The following LPAR6 variants were observed in gnomAD, a reference collection of about 807,000 sequenced individuals.
LPAR6 encodes the protein G-protein coupled purinergic receptor P2Y5.
LPAR6 carries 17 observed loss-of-function variants against 22.0 expected under a neutral mutation model. That is an observed-to-expected ratio of 0.77 (90% CI 0.53 to 1.16). The LOEUF (loss-of-function observed/expected upper bound fraction) is 1.16, where lower values mean the gene tolerates loss of function less well. Among genes scored for constraint, LPAR6 ranks in the 50% most tolerant of loss-of-function variants. The pLI is 0.00. For missense variants in LPAR6, 384 were observed against 406.9 expected, an observed-to-expected ratio of 0.94 and a Z score of 0.48; for synonymous variants, 136 against 139.8, an observed-to-expected ratio of 0.97 and a Z score of 0.19.
intron 1 of LPAR6, among the ~76,000 whole-genome samples, chr13:48,423,705 AGAGAGTATGT>A (rs1347308567): frequency 1.2e-4 from 18 of 152,238 alleles, no homozygotes; most frequent in Non-Finnish European, 2.1e-4. Flanking sequence ...AAATCAAATG[AGAGAGTATGT>A]GAGACTTAAA....
chr13:48,441,047 A>G (rs963564371), intron 1 of LPAR6, among the ~76,000 whole-genome samples: 2 of 152,186 alleles, frequency 1.3e-5, no homozygotes, highest in African/African-American at 4.8e-5. Flanking sequence ...ATTACACTGG[A>G]TCTGTTCAGT....
downstream of LPAR6, among the ~76,000 whole-genome samples, chr13:48,410,497 T>C (rs1948784099): frequency 6.6e-6 from 1 of 152,190 alleles, no homozygotes. Context: ...GTATATTACT[T>C]TCTAAATGCC....
chr13:48,412,157 A>G lies in LPAR6; in HGVS notation c.267T>C (p.Cys89=), dbSNP rs202132018. Residue 89 remains cysteine, a synonymous_variant, in exon 1 of 1, where the codon TGT becomes TGC. Transcript: ENST00000620633. The part of the protein sequence containing the change: ...TRNWPFGDLL[C]KISVMLFYTN... Reference sequence around the variant, plus strand: ...TATAAAACAGCATCACAGAAATCTTACAAAGTAAATCTCCAAATGGCCAAT... The same window carrying G: ...TATAAAACAGCATCACAGAAATCTTGCAAAGTAAATCTCCAAATGGCCAAT... The G allele has an allele frequency of 3.0e-5, 49 of 1,613,908 alleles. No homozygotes were observed. Among genetic ancestry groups the G allele is most frequent in the Non-Finnish European group, 4.0e-5 (47 of 1,179,996 alleles).
chr13:48,390,755 G>T (rs1428857680), intron 1 of LPAR6, among the ~76,000 whole-genome samples: 1 of 152,202 alleles, frequency 6.6e-6, no homozygotes, highest in East Asian at 1.9e-4. Flanking sequence ...AAAACTACTT[G>T]TGCCTGATAC....
At chr13:48,417,480 G>A (rs9568039), upstream of LPAR6, among the ~76,000 whole-genome samples, 3,399 of 152,192 alleles carry the variant, frequency 0.022, 90 homozygotes, top group African/African-American at 0.059. Context: ...AAAAACCAGC[G>A]CAAAAAGGCT....
chr13:48,416,070 T>C (rs1948903824), upstream of LPAR6, among the ~76,000 whole-genome samples: 1 of 152,346 alleles, frequency 6.6e-6, no homozygotes, highest in South Asian at 2.1e-4. Context: ...AACTTAACTC[T>C]GAGAATCAAC....
chr13:48,413,772 G>GT (rs1566214043), upstream of LPAR6, among the ~76,000 whole-genome samples: 2 of 152,116 alleles, frequency 1.3e-5, no homozygotes, highest in Non-Finnish European at 2.9e-5. Flanking sequence ...ACTCAAGAAT[G>GT]TTTATCTTTG....
At position 48,412,220 on chromosome 13, in the gene LPAR6, A is replaced by C. The variant is rs1459325824; in HGVS notation, c.204T>G (p.Phe68Leu). The C allele has an allele frequency of 1.2e-6, 2 of 1,613,900 alleles. No homozygotes were observed. The highest frequency in any genetic ancestry group is 2.7e-5 in the African/African-American group (2 of 74,918). The change falls in exon 1 of 1, where the codon TTT becomes TTG. Residue 68 changes from phenylalanine to leucine, a missense_variant. Coordinates refer to ENST00000620633, the MANE Select transcript of LPAR6 (RefSeq NM_001162498.3). Reference protein sequence around the residue: ...NLAMSDLLFVFTLPFRIFYFT... With the variant: ...NLAMSDLLFVLTLPFRIFYFT... ...AGTAAAAAATCCTGAAGGGTAAAGT[A>C]AAAACAAAAAGCAAGTCTGACATTG...
intron 2 of LPAR6, among the ~76,000 whole-genome samples, chr13:48,421,570 G>A (rs1214153846): frequency 6.6e-6 from 1 of 152,132 alleles, no homozygotes; most frequent in Admixed American, 6.5e-5. Context: ...TATCATCAGA[G>A]TGAACAGGCA....
chr13:48,396,817 A>G (rs1245524361), intron 1 of LPAR6, among the ~76,000 whole-genome samples: 1 of 152,240 alleles, frequency 6.6e-6, no homozygotes, highest in Non-Finnish European at 1.5e-5. Context: ...AAACAACCCT[A>G]TCAAAAAGTG....
chr13:48,425,142 A>T (rs1000975185), intron 1 of LPAR6, among the ~76,000 whole-genome samples: 5 of 152,232 alleles, frequency 3.3e-5, no homozygotes, highest in African/African-American at 1.2e-4. Context: ...TAGACATGAG[A>T]ATCTACGAAT....
chr13:48,440,503 G>T (rs1949226655), intron 1 of LPAR6, among the ~76,000 whole-genome samples: 1 of 152,054 alleles, frequency 6.6e-6, no homozygotes, highest in Non-Finnish European at 1.5e-5. Context: ...AGCCTGATGG[G>T]CACATGATCC....
intron 1 of LPAR6, among the ~76,000 whole-genome samples, chr13:48,400,810 G>A (rs1341176923): frequency 6.6e-6 from 1 of 152,084 alleles, no homozygotes; most frequent in Non-Finnish European, 1.5e-5. Context: ...TTAATTGTTA[G>A]TACCCTTCAT....
At chr13:48,436,808 G>T (rs944613029) in intron 1 of LPAR6, among the ~76,000 whole-genome samples, 5 of 152,124 alleles carry the variant, frequency 3.3e-5, no homozygotes, top group Admixed American at 3.3e-4. Context: ...CTCTTGCGAG[G>T]CAAAACAGTC....
chr13:48,394,911 T>C (rs556023664), intron 1 of LPAR6, among the ~76,000 whole-genome samples: 9 of 152,306 alleles, frequency 5.9e-5, no homozygotes, highest in Admixed American at 5.9e-4. Context: ...GGACAGACTG[T>C]CTCCTCAAGT....
intron 1 of LPAR6, among the ~76,000 whole-genome samples, chr13:48,435,845 T>G (rs1949177828): frequency 6.6e-6 from 1 of 152,130 alleles, no homozygotes; most frequent in Non-Finnish European, 1.5e-5. Flanking sequence ...CTTTTGTATC[T>G]TTGTCAAAAA....
At chr13:48,402,368 T>C (rs970961179) in intron 1 of LPAR6, among the ~76,000 whole-genome samples, 6 of 90,062 alleles carry the variant, frequency 6.7e-5, no homozygotes, top group South Asian at 4.2e-4. Context: ...AAGAAATCCC[T>C]TGTAGAAAAC....
chr13:48,416,104 G>C (rs1336424728), upstream of LPAR6, among the ~76,000 whole-genome samples: 1 of 151,948 alleles, frequency 6.6e-6, no homozygotes. Context: ...GGATTTTTTG[G>C]GGGGAGCGAA....
At chr13:48,436,457 A>G (rs926853190) in intron 1 of LPAR6, among the ~76,000 whole-genome samples, 2 of 152,220 alleles carry the variant, frequency 1.3e-5, no homozygotes, top group African/African-American at 4.8e-5. Flanking sequence ...AGCCTGGCCA[A>G]CATGGTGAAA....
Sources: allele counts gnomAD v4.1 joint callset (sites outside exome capture counted in the v4.1 genomes callset), GRCh38; gene constraint gnomAD v4.1.1; transcripts MANE v1.5; gene names NCBI Gene and HGNC (gene_info 2026-07-23, HGNC 2026-07-21).